CCDC191: variants seen among roughly 807,000 people sequenced by gnomAD.
CCDC191 encodes coiled-coil domain containing 191, also known as coiled-coil domain-containing protein 191.
A neutral mutation model predicts 114.0 loss-of-function variants in CCDC191; 99 were observed. The observed-to-expected ratio is 0.87, with a 90% confidence interval of 0.74 to 1.03. CCDC191 has a LOEUF of 1.03. Among genes scored for constraint, CCDC191 ranks in the 50% least tolerant of loss-of-function variants. The pLI, the probability that CCDC191 is intolerant of heterozygous loss-of-function variation, is 0.00. For synonymous variants in CCDC191, 351 were observed against 376.0 expected (o/e 0.93, Z 0.77); for missense variants, 973 against 1,087.0 (o/e 0.90, Z 1.47).
chr3:114,017,638 C>A (rs1323581188), intron 8 of CCDC191, among the ~76,000 whole-genome samples: 1 of 152,082 alleles, frequency 6.6e-6, no homozygotes, highest in East Asian at 1.9e-4. Context: ...GAAGTGATTA[C>A]TTATAAAAAC....
At chr3:114,006,435 C>T (rs1024313240) in intron 9 of CCDC191, among the ~76,000 whole-genome samples, 1 of 148,940 alleles carries the variant, frequency 6.7e-6, no homozygotes, top group Non-Finnish European at 1.5e-5. Flanking sequence ...GGCAACACAG[C>T]GAGACCCTGG....
At chr3:114,000,729 C>T (rs1341272058) in intron 13 of CCDC191, among the ~76,000 whole-genome samples, 1 of 152,032 alleles carries the variant, frequency 6.6e-6, no homozygotes, top group Admixed American at 6.6e-5. Context: ...CAGCTCACTG[C>T]TGCCTCGAAC....
At chr3:113,973,023 T>C (rs1449655747) in intron 16 of CCDC191, among the ~76,000 whole-genome samples, 1 of 152,176 alleles carries the variant, frequency 6.6e-6, no homozygotes, top group African/African-American at 2.4e-5. Flanking sequence ...TCTATGTCTT[T>C]TAATTGGAGA....
chr3:114,019,321 T>C (rs1270035010), intron 7 of CCDC191, among the ~76,000 whole-genome samples: 5 of 152,178 alleles, frequency 3.3e-5, no homozygotes, highest in Admixed American at 6.5e-5. Flanking sequence ...GAAGATAGGA[T>C]GGAGTCTCTG....
At chr3:113,967,842 C>T (rs1940370976) in intron 16 of CCDC191, among the ~76,000 whole-genome samples, 1 of 152,196 alleles carries the variant, frequency 6.6e-6, no homozygotes, top group African/African-American at 2.4e-5. Context: ...TCTCTATCTT[C>T]ATGAGATTCA....
chr3:114,049,443 T>G (rs940859919), intron 2 of CCDC191, among the ~76,000 whole-genome samples: 6 of 152,250 alleles, frequency 3.9e-5, no homozygotes, highest in African/African-American at 1.2e-4. Flanking sequence ...CTTTAGTGTT[T>G]TAAAAATCCA....
At position 114,023,935 on chromosome 3, in the gene CCDC191, G is replaced by C. The variant is rs2076280585; in HGVS notation, c.973-5067C>G. On this transcript the variant is annotated intron_variant, in intron 7 of 16. Coordinates refer to ENST00000295878, the MANE Select transcript of CCDC191 (RefSeq NM_020817.2). The stretch of plus-strand genomic sequence containing the variant: ...TGAACAGGCAACCTACAGAATGGGA[G>C]AAAATTTTTGCAATCTACTCATCTG... 2.6e-5 allele frequency among the ~76,000 whole-genome samples: 4 copies of C among 152,196 alleles called. No individual in the cohort carries two copies. The South Asian group carries it at 6.2e-4, about 24-fold the overall frequency.
chr3:113,965,242 T>A lies in CCDC191; in HGVS notation c.2724A>T (p.Pro908=), dbSNP rs1332775914. Reference sequence around the variant, plus strand: ...GGTACCTTCCAGGTACCTGGAAGTCTGGAAGAATTTCAACTACCTTCCTAC... The same window carrying A: ...GGTACCTTCCAGGTACCTGGAAGTCAGGAAGAATTTCAACTACCTTCCTAC... ...QLRRKVVEIL[P]DFQVPGRYHE... Residue 908 remains proline (P), a synonymous_variant, in exon 17 of 17, where the codon CCA becomes CCT. Transcript: ENST00000295878. 1 of 1,612,008 alleles carries A rather than the reference T, an allele frequency of 6.2e-7. No individual in the cohort carries two copies. Among genetic ancestry groups the A allele is most frequent in the Non-Finnish European group, 8.5e-7 (1 of 1,178,940 alleles).
intron 7 of CCDC191, among the ~76,000 whole-genome samples, chr3:114,030,541 T>C (rs2076390093): frequency 6.6e-6 from 1 of 152,190 alleles, no homozygotes; most frequent in South Asian, 2.1e-4. Flanking sequence ...GTCTTACATT[T>C]CTCCCTACTA....
chr3:113,965,326 C>T lies in CCDC191; in HGVS notation c.2640G>A (p.Lys880=), dbSNP rs1559860719. ...CCTCTTTCATAAATTTTACAAACTT[C>T]TTCCATGTCCGAAGGGTGATCCAGA... The part of the protein sequence containing the change: ...RILWITLRTW[K]KFVKFMKEER... The change falls in exon 17 of 17, where the codon AAG becomes AAA. Residue 880 remains lysine (K), a synonymous_variant. Transcript: ENST00000295878. The T allele has an allele frequency of 4.3e-6, 7 of 1,609,532 alleles. No individual in the cohort carries two copies. The highest frequency in any genetic ancestry group is 1.1e-5 in the South Asian group (1 of 90,188).
Position 114,006,785 on chromosome 3 carries a change from A to G in CCDC191, c.1414-823T>C, listed in dbSNP as rs1055370378. 5.3e-5 allele frequency among the ~76,000 whole-genome samples: 8 copies of G among 152,020 alleles called. No homozygotes were observed. The South Asian group carries it at 1.2e-3, about 24-fold the overall frequency. On this transcript the variant is annotated intron_variant, in intron 9 of 16. Coordinates refer to ENST00000295878, the MANE Select transcript of CCDC191 (RefSeq NM_020817.2). ...TGAATAATATATCTCTTTTCTTTCAATGCCTCTCCTGACACTAGTAAATTA... is the reference window on the plus strand; with the variant it reads ...TGAATAATATATCTCTTTTCTTTCAGTGCCTCTCCTGACACTAGTAAATTA...
At chr3:114,000,738 A>C (rs79379421) in intron 13 of CCDC191, among the ~76,000 whole-genome samples, 46 of 151,558 alleles carry the variant, frequency 3.0e-4, no homozygotes, top group African/African-American at 1.0e-3. Flanking sequence ...GCTGCCTCGA[A>C]CTCCTGGGCT....
At chr3:113,990,051 A>G (rs921112772) in intron 13 of CCDC191, among the ~76,000 whole-genome samples, 2 of 152,218 alleles carry the variant, frequency 1.3e-5, no homozygotes, top group Non-Finnish European at 1.5e-5. Context: ...TTAGGAAACT[A>G]GAGGAAGAGA....
At chr3:114,013,172 G>C (rs760864421) in intron 8 of CCDC191, among the ~76,000 whole-genome samples, 2 of 152,032 alleles carry the variant, frequency 1.3e-5, no homozygotes, top group Non-Finnish European at 2.9e-5. Flanking sequence ...CCTGAGCCTG[G>C]GAAGTGGAAA....
At chr3:114,011,925 CTTA>C (rs2076076803) in intron 8 of CCDC191, among the ~76,000 whole-genome samples, 1 of 152,164 alleles carries the variant, frequency 6.6e-6, no homozygotes, top group African/African-American at 2.4e-5. Flanking sequence ...GAGTGTGGAA[CTTA>C]TTATGTAGTA....
chr3:113,978,950 G>T lies in CCDC191; in HGVS notation c.2368C>A (p.Arg790Ser). 1 of 1,613,974 alleles carries T rather than the reference G, an allele frequency of 6.2e-7. No homozygotes were observed. Residue 790 changes from arginine to serine, a missense_variant, in exon 15 of 17, where the codon CGT (arginine) becomes AGT (serine). Transcript: ENST00000295878. ...TTTCTAGCCAGACTTTCCTGACTAC[G>T]CTGGAACCACGTCAGCATGTATTTC... ...QRKYMLTWFQ[R>S]SQESLARKMA...
intron 6 of CCDC191, 38 bp downstream of exon 6, chr3:114,034,887 A>G (rs1349085677): frequency 1.3e-6 from 2 of 1,575,006 alleles, no homozygotes; most frequent in Non-Finnish European, 1.7e-6. Flanking sequence ...TGACTGCTTA[A>G]ACAGAGAAAC....
In CCDC191 at chr3:113,978,849, T is replaced by C; in HGVS notation, c.2460+9A>G. 1 of 1,612,104 alleles carries C rather than the reference T, an allele frequency of 6.2e-7. No homozygotes were observed. The highest frequency in any genetic ancestry group is 8.5e-7 in the Non-Finnish European group (1 of 1,178,908). On this transcript the variant is annotated intron_variant, in intron 15 of 16. Transcript: ENST00000295878. Reference sequence around the variant, plus strand: ...GATGTATTTAAGGTACCCTTCCCTATGTCCTTACCTGTAGCCAGCTCTGGA... The same window carrying C: ...GATGTATTTAAGGTACCCTTCCCTACGTCCTTACCTGTAGCCAGCTCTGGA...
At chr3:114,013,633 T>C (rs1180935706) in intron 8 of CCDC191, among the ~76,000 whole-genome samples, 1 of 152,162 alleles carries the variant, frequency 6.6e-6, no homozygotes, top group Non-Finnish European at 1.5e-5. Flanking sequence ...CAATCTGAAA[T>C]CAGGGAATTT....
Sources: gnomAD v4.1 joint callset for allele counts (sites outside exome capture counted in the v4.1 genomes callset) on GRCh38, gnomAD v4.1.1 for gene constraint, MANE v1.5 for transcripts, NCBI Gene and HGNC (gene_info 2026-07-23, HGNC 2026-07-21) for gene names.